ATXN1: variants seen among roughly 807,000 people sequenced by gnomAD.
ATXN1 encodes ataxin 1.
ATXN1 carries 8 observed loss-of-function variants against 56.4 expected under a neutral mutation model. That is an observed-to-expected ratio of 0.14 (90% confidence interval 0.08 to 0.26). The LOEUF (loss-of-function observed/expected upper bound fraction) is 0.26, where lower values mean the gene tolerates loss of function less well. Among genes scored for constraint, ATXN1 ranks in the 10% least tolerant of loss-of-function variants. The probability of loss-of-function intolerance (pLI) is 1.00; values close to 1 mark genes in which losing one functional copy is unlikely to be tolerated. For synonymous variants in ATXN1, 514 were observed against 494.6 expected, an observed-to-expected ratio of 1.04 and a Z score of -0.52; for missense variants, 987 against 1,106.5, an observed-to-expected ratio of 0.89 and a Z score of 1.53.
At chr6:16,756,087 A>G (rs1245965265) in intron 1 of ATXN1, among the ~76,000 whole-genome samples, 1 of 152,124 alleles carries the variant, frequency 6.6e-6, no homozygotes, top group East Asian at 1.9e-4. Context: ...TGAAAGTTCA[A>G]ATTATGAGCG....
rs1039021766 is a variant in ATXN1 at position 16,410,939 on chromosome 6, A to G, written c.-161+75033T>C. ...CAGGAGTTTGAGACCATCCTGGCCA[A>G]CATGCTGAAACCACGTCTCTACCAA... On this transcript the variant is annotated intron_variant, in intron 6 of 7. Coordinates refer to ENST00000436367, the MANE Select transcript of ATXN1 (RefSeq NM_001128164.2). The surrounding 1 kb of genome is among the most constrained non-coding windows in gnomAD (Gnocchi z 4.6). 3.3e-5 allele frequency among the ~76,000 whole-genome samples: 5 copies of G among 152,166 alleles called. No individual in the cohort carries two copies. Among genetic ancestry groups the G allele is most frequent in the Non-Finnish European group, 7.4e-5 (5 of 68,012 alleles).
At chr6:16,563,641 GT>G (rs1353821814) in intron 4 of ATXN1, among the ~76,000 whole-genome samples, 8 of 152,196 alleles carry the variant, frequency 5.3e-5, no homozygotes, top group African/African-American at 1.9e-4. Flanking sequence ...AAAGGTCCAA[GT>G]TGGGGGGTGT....
chr6:16,488,068 T>C (rs184317820), intron 5 of ATXN1, among the ~76,000 whole-genome samples: 10 of 152,364 alleles, frequency 6.6e-5, no homozygotes, highest in Admixed American at 6.5e-4. Context: ...TTCATCTTTC[T>C]GACTGCTAGG....
At chr6:16,358,178 G>A (rs1761730590) in intron 6 of ATXN1, among the ~76,000 whole-genome samples, 2 of 152,224 alleles carry the variant, frequency 1.3e-5, no homozygotes, top group African/African-American at 4.8e-5. Context: ...TGATGGGGAT[G>A]TGGTGAAACG....
chr6:16,751,085 C>G (rs1009507802), intron 2 of ATXN1, among the ~76,000 whole-genome samples: 1 of 151,600 alleles, frequency 6.6e-6, no homozygotes, highest in African/African-American at 2.4e-5. Flanking sequence ...TCTCCTGCCT[C>G]AGTGTCCCAA....
intron 2 of ATXN1, among the ~76,000 whole-genome samples, chr6:16,711,599 A>AC (rs397718326): frequency 2.7e-5 from 4 of 150,516 alleles, no homozygotes; most frequent in African/African-American, 7.3e-5. Context: ...AAAAAAAAAA[A>AC]CCATCTATAT....
intron 5 of ATXN1, among the ~76,000 whole-genome samples, chr6:16,495,220 A>G (rs1760755930): frequency 6.6e-6 from 1 of 152,220 alleles, no homozygotes; most frequent in African/African-American, 2.4e-5. Flanking sequence ...CTCCTTTTTA[A>G]TAACACAATT....
At chr6:16,408,973 A>G (rs1008639269) in intron 6 of ATXN1, among the ~76,000 whole-genome samples, 2 of 152,190 alleles carry the variant, frequency 1.3e-5, no homozygotes, top group African/African-American at 4.8e-5. Context: ...GTGCTTCATA[A>G]AAATTGGTGA....
chr6:16,737,614 G>A (rs1760181787), intron 2 of ATXN1: 1 of 152,238 alleles, frequency 6.6e-6, no homozygotes, highest in African/African-American at 2.4e-5. Context: ...TGAATGGAAT[G>A]CCAGCAGCCT....
intron 6 of ATXN1, among the ~76,000 whole-genome samples, chr6:16,394,682 G>T (rs111414893): frequency 2.5e-4 from 38 of 152,202 alleles, no homozygotes; most frequent in African/African-American, 7.7e-4. Context: ...CTAAAAAGTT[G>T]AATACTAGCT....
intron 7 of ATXN1, among the ~76,000 whole-genome samples, chr6:16,316,704 G>A (rs886684502): frequency 1.3e-5 from 2 of 151,686 alleles, no homozygotes; most frequent in South Asian, 2.1e-4. Context: ...CCAAGATCAC[G>A]CCATTGCACC....
At chr6:16,623,198 T>A (rs1040667949) in intron 3 of ATXN1, among the ~76,000 whole-genome samples, 1 of 152,230 alleles carries the variant, frequency 6.6e-6, no homozygotes, top group Non-Finnish European at 1.5e-5. Flanking sequence ...TGGTATACAG[T>A]ACAGAAGTCT....
intron 6 of ATXN1, among the ~76,000 whole-genome samples, chr6:16,455,601 C>A (rs772420728): frequency 1.2e-4 from 19 of 152,198 alleles, no homozygotes; most frequent in Non-Finnish European, 2.5e-4. Flanking sequence ...TAAGTCCACA[C>A]AAAAACCTGC....
chr6:16,310,703 G>A (rs547885103), intron 7 of ATXN1, among the ~76,000 whole-genome samples: 2 of 152,226 alleles, frequency 1.3e-5, no homozygotes, highest in Admixed American at 6.5e-5. Flanking sequence ...TGGCCAGGAT[G>A]GTCTCGATAT....
At chr6:16,341,877 AT>A (rs34092584) in intron 6 of ATXN1, among the ~76,000 whole-genome samples, 398 of 86,836 alleles carry the variant, frequency 4.6e-3, no homozygotes, top group African/African-American at 0.011. Flanking sequence ...TGTCTCAGTG[AT>A]TTTTTTTTTT....
At chr6:16,702,711 T>C (rs1333780045) in intron 2 of ATXN1, among the ~76,000 whole-genome samples, 10 of 152,232 alleles carry the variant, frequency 6.6e-5, no homozygotes, top group Admixed American at 1.3e-4. Context: ...AAGACATTTA[T>C]GCAGCCAAAA....
chr6:16,703,825 A>G (rs1759345025), intron 2 of ATXN1, among the ~76,000 whole-genome samples: 3 of 152,104 alleles, frequency 2.0e-5, no homozygotes, highest in South Asian at 4.1e-4. Flanking sequence ...TTCGAGACCA[A>G]TCTGGCCAAC....
intron 6 of ATXN1, among the ~76,000 whole-genome samples, chr6:16,340,688 T>C (rs886723427): frequency 5.9e-5 from 9 of 152,220 alleles, no homozygotes; most frequent in Admixed American, 2.6e-4. Context: ...CACCTTCTTA[T>C]AGCTAGTGAT....
At chr6:16,454,238 T>A (rs1466212113) in intron 6 of ATXN1, among the ~76,000 whole-genome samples, 1 of 151,650 alleles carries the variant, frequency 6.6e-6, no homozygotes, top group Non-Finnish European at 1.5e-5. Context: ...AGCAGTGAGC[T>A]GAGCAGACAA....
Sources: gnomAD v4.1 joint callset for allele counts (sites outside exome capture counted in the v4.1 genomes callset) on GRCh38, gnomAD v4.1.1 for gene constraint, Gnocchi (gnomAD v3.1) non-coding constraint, MANE v1.5 for transcripts, NCBI Gene and HGNC (gene_info 2026-07-23, HGNC 2026-07-21) for gene names.